The following BPNT2 variants were observed in gnomAD, a reference collection of about 807,000 sequenced individuals.
BPNT2 encodes Golgi-resident adenosine 3',5'-bisphosphate 3'-phosphatase.
Under a neutral mutation model 29.3 loss-of-function variants are expected in BPNT2, and 11 were observed. The observed-to-expected ratio is 0.38, with a 90% CI of 0.24 to 0.62. BPNT2 has a LOEUF of 0.62. Ranked by LOEUF, BPNT2 falls within the 20% of genes least tolerant of loss-of-function variation. BPNT2 has a pLI of 0.62. For synonymous variants in BPNT2, 195 were observed against 187.7 expected (o/e 1.04, Z -0.32); for missense variants, 459 against 473.4 (o/e 0.97, Z 0.28).
At chr8:56,966,526 T>C (rs1258702095) in intron 3 of BPNT2, among the ~76,000 whole-genome samples, 174 bp from the exon 4 acceptor site, 1 of 152,186 alleles carries the variant, frequency 6.6e-6, no homozygotes, top group Non-Finnish European at 1.5e-5. Flanking sequence ...AAGTAGTATA[T>C]ATGTATTTGT....
At chr8:56,964,256 C>A (rs747023167) in intron 4 of BPNT2, 192 bp from the exon 5 acceptor site, 14 of 516,440 alleles carry the variant, frequency 2.7e-5, no homozygotes, top group Non-Finnish European at 4.4e-5. Context: ...ACATTAAACT[C>A]AGAACAAAAA....
At chr8:56,992,784 C>T (rs1485475149) in intron 1 of BPNT2, among the ~76,000 whole-genome samples, 2 of 150,660 alleles carry the variant, frequency 1.3e-5, no homozygotes, top group South Asian at 2.1e-4. Context: ...CAGCTGGCTA[C>T]TGGCAGGCCA....
chr8:56,986,560 C>T (rs1806329119), intron 1 of BPNT2, among the ~76,000 whole-genome samples: 1 of 152,122 alleles, frequency 6.6e-6, no homozygotes, highest in Non-Finnish European at 1.5e-5. Context: ...TCCTGATAAA[C>T]CCATTGTGAA....
intron 1 of BPNT2, among the ~76,000 whole-genome samples, chr8:56,982,490 C>T (rs1286837824): frequency 6.6e-6 from 1 of 152,174 alleles, no homozygotes; most frequent in Non-Finnish European, 1.5e-5. Context: ...TTTATTAATT[C>T]AGCAAATGCT....
intron 3 of BPNT2, among the ~76,000 whole-genome samples, chr8:56,972,847 T>C (rs1249023204): frequency 2.0e-5 from 3 of 146,558 alleles, no homozygotes; most frequent in Non-Finnish European, 3.0e-5. Flanking sequence ...TGTCCTATTC[T>C]GGAAAAAAAA....
At chr8:56,964,297 T>C (rs1203576469) in intron 4 of BPNT2, 1 of 360,320 alleles carries the variant, frequency 2.8e-6, no homozygotes, top group East Asian at 5.9e-5. Context: ...TGTTTATTTT[T>C]ATTTATTTAT....
rs769885388 is a variant in BPNT2 at position 56,978,157 on chromosome 8, A to T, written c.551-12T>A. ...CTTTCGAAGATCCTCTATGAGAAAA[A>T]AAACAAAACAACACACACAAATGTC... On this transcript the variant is annotated splice_polypyrimidine_tract_variant and intron_variant, in intron 2 of 4. Coordinates refer to ENST00000262644, the MANE Select transcript of BPNT2 (RefSeq NM_017813.5). 6.7e-7 allele frequency: 1 copy of T among 1,485,198 alleles called. No homozygotes were observed. Among genetic ancestry groups the T allele is most frequent in the East Asian group, 2.3e-5 (1 of 44,246 alleles). The allele number at this position is 1,485,198 out of a possible 1,614,324, so 92.0% of individuals were successfully genotyped here.
At chr8:56,969,091 G>T (rs1805992957) in intron 3 of BPNT2, among the ~76,000 whole-genome samples, 1 of 152,188 alleles carries the variant, frequency 6.6e-6, no homozygotes, top group Admixed American at 6.5e-5. Flanking sequence ...AGCTGCAAGA[G>T]AAAACTTCCT....
At chr8:56,969,757 G>T (rs1203639112) in intron 3 of BPNT2, among the ~76,000 whole-genome samples, 1 of 152,080 alleles carries the variant, frequency 6.6e-6, no homozygotes, top group African/African-American at 2.4e-5. Context: ...GCAACAAAAA[G>T]AACAAATTTA....
chr8:56,973,295 G>A (rs1563407446), intron 3 of BPNT2, among the ~76,000 whole-genome samples: 1 of 152,022 alleles, frequency 6.6e-6, no homozygotes. Flanking sequence ...TCTAGAGCAG[G>A]AGGTCATAAG....
Position 56,976,418 on chromosome 8 carries a change from A to G in BPNT2, c.646+1632T>C, listed in dbSNP as rs550889190. On this transcript the variant is annotated intron_variant, in intron 3 of 4. Coordinates refer to ENST00000262644, the MANE Select transcript of BPNT2 (RefSeq NM_017813.5). Reference sequence around the variant, plus strand: ...GCCTAGTGTGTATCCTAACTAATTCAGTAAGGATTAAGGAAAATATGTGAA... The same window carrying G: ...GCCTAGTGTGTATCCTAACTAATTCGGTAAGGATTAAGGAAAATATGTGAA... Among the ~76,000 whole-genome samples, 5 of 152,346 alleles carry G rather than the reference A, an allele frequency of 3.3e-5. No individual in the cohort carries two copies. In the East Asian group the frequency reaches 7.7e-4, roughly 23 times the overall value.
chr8:56,977,922 G>A lies in BPNT2; in HGVS notation c.646+128C>T. 5.6e-6 allele frequency: 4 copies of A among 715,666 alleles called. No individual in the cohort carries two copies. In the East Asian group the frequency reaches 1.0e-4, roughly 18 times the overall value. The allele number at this position is 715,666 out of a possible 1,614,324, so 44.3% of individuals were successfully genotyped here. On this transcript the variant is annotated intron_variant, in intron 3 of 4. Coordinates refer to ENST00000262644, the MANE Select transcript of BPNT2 (RefSeq NM_017813.5). ...TTGTTGTTTAAGACACATAATTTGT[G>A]TTTTTTTCTTACAGCAGCCCTAGGA...
intron 1 of BPNT2, among the ~76,000 whole-genome samples, chr8:56,980,950 G>T (rs1480268006): frequency 6.6e-6 from 1 of 150,982 alleles, no homozygotes; most frequent in Non-Finnish European, 1.5e-5. Context: ...AATACTTTAT[G>T]TAAGTATTCT....
intron 3 of BPNT2, among the ~76,000 whole-genome samples, chr8:56,974,959 C>T (rs1447292147): frequency 1.3e-5 from 2 of 152,140 alleles, no homozygotes; most frequent in Non-Finnish European, 2.9e-5. Flanking sequence ...TACCAATTTC[C>T]TCATTTCCTT....
intron 3 of BPNT2, among the ~76,000 whole-genome samples, chr8:56,971,871 G>C (rs898381939): frequency 1.3e-5 from 2 of 151,158 alleles, no homozygotes; most frequent in Non-Finnish European, 2.9e-5. Flanking sequence ...TGAGGAGGGC[G>C]GATCATGAGG....
At chr8:56,984,149 T>C (rs1244166365) in intron 1 of BPNT2, among the ~76,000 whole-genome samples, 2 of 152,246 alleles carry the variant, frequency 1.3e-5, no homozygotes, top group Admixed American at 6.5e-5. Context: ...CACTGATTTT[T>C]TGCACAATTC....
chr8:56,960,068 T>G lies in BPNT2; in HGVS notation c.*3725A>C, dbSNP rs573780257. 2.6e-5 allele frequency: 4 copies of G among 152,200 alleles called. No individual in the cohort carries two copies. The highest frequency in any genetic ancestry group is 5.9e-5 in the Non-Finnish European group (4 of 68,034). 9.4% of individuals were successfully genotyped at this position (152,200 alleles called of 1,614,324 possible). On this transcript the variant is annotated 3_prime_UTR_variant, in exon 5 of 5. Transcript: ENST00000262644. ...TTTCTTTCTAGGATCAATCAACACATAGCCAATAGGTAGTTACAGCTAGAA... is the reference window on the plus strand; with the variant it reads ...TTTCTTTCTAGGATCAATCAACACAGAGCCAATAGGTAGTTACAGCTAGAA...
chr8:56,993,856 C>G lies in BPNT2; in HGVS notation c.-271G>C, dbSNP rs894732714. On this transcript the variant is annotated 5_prime_UTR_variant, in exon 1 of 5. Transcript: ENST00000262644. Reference sequence around the variant, plus strand: ...CTGGTCCGACTTCCACGTTAGCCTACGGCCGCGAGGTGAAAGGGGAGCGTG... The same window carrying G: ...CTGGTCCGACTTCCACGTTAGCCTAGGGCCGCGAGGTGAAAGGGGAGCGTG... 7 of 209,648 alleles carry G rather than the reference C, an allele frequency of 3.3e-5. No individual in the cohort carries two copies. Among genetic ancestry groups the G allele is most frequent in the Admixed American group, 1.9e-4 (3 of 15,422 alleles). The allele number at this position is 209,648 out of a possible 1,614,324, so 13.0% of individuals were successfully genotyped here. A position where few individuals can be genotyped will look rare whatever the true frequency, so the allele number is the denominator to read the frequency against.
chr8:56,986,972 T>TAC (rs1408054628), intron 1 of BPNT2, among the ~76,000 whole-genome samples: 19 of 152,200 alleles, frequency 1.2e-4, no homozygotes, highest in African/African-American at 3.9e-4. Context: ...TATGGACATA[T>TAC]ACACACACAT....
Sources: gnomAD v4.1 joint callset for allele counts (sites outside exome capture counted in the v4.1 genomes callset) on GRCh38, gnomAD v4.1.1 for gene constraint, MANE v1.5 for transcripts, NCBI Gene and HGNC (gene_info 2026-07-23, HGNC 2026-07-21) for gene names.